ADGRL2: variants seen among roughly 807,000 people sequenced by gnomAD.
ADGRL2 encodes the protein adhesion G protein-coupled receptor L2.
In ADGRL2, 44 loss-of-function variants were observed where a neutral mutation model predicts 157.4. The observed-to-expected ratio is 0.28, with a 90% confidence interval of 0.22 to 0.36. The LOEUF is 0.36. Ranked by LOEUF, ADGRL2 falls within the 10% of genes least tolerant of loss-of-function variation. The probability of loss-of-function intolerance (pLI) is 1.00; values close to 1 mark genes in which losing one functional copy is unlikely to be tolerated. For synonymous variants in ADGRL2, 585 were observed against 624.7 expected, an observed-to-expected ratio of 0.94 and a Z score of 0.95; for missense variants, 1,510 against 1,768.9, an observed-to-expected ratio of 0.85 and a Z score of 2.63.
intron 1 of ADGRL2, among the ~76,000 whole-genome samples, chr1:81,325,913 C>G (rs1660865987): frequency 6.6e-6 from 1 of 151,426 alleles, no homozygotes; most frequent in South Asian, 2.1e-4. Flanking sequence ...ATTCTAGGCC[C>G]AGAGACCCAG....
chr1:81,559,938 A>G (rs1260771080), intron 2 of ADGRL2, among the ~76,000 whole-genome samples: 1 of 152,202 alleles, frequency 6.6e-6, no homozygotes, highest in Non-Finnish European at 1.5e-5. Flanking sequence ...AAAATTGTGT[A>G]TTTATTATGA....
intron 1 of ADGRL2, among the ~76,000 whole-genome samples, chr1:81,833,027 GA>G (rs1466052211): frequency 6.6e-6 from 1 of 152,134 alleles, no homozygotes; most frequent in East Asian, 1.9e-4. Flanking sequence ...TGAAAAGGCA[GA>G]ATTGGGTTAG....
intron 2 of ADGRL2, chr1:81,557,429 G>GAA (rs1390338156): frequency 7.4e-6 from 1 of 134,668 alleles, no homozygotes; most frequent in Non-Finnish European, 1.6e-5. Flanking sequence ...AAGAGAGAGA[G>GAA]AAAAAGAAAG....
At chr1:81,710,507 C>G (rs1162044273) in intron 1 of ADGRL2, among the ~76,000 whole-genome samples, 1 of 150,970 alleles carries the variant, frequency 6.6e-6, no homozygotes, top group Non-Finnish European at 1.5e-5. Context: ...GTAGTCCCAG[C>G]TACTCGGGAG....
intron 3 of ADGRL2, among the ~76,000 whole-genome samples, chr1:81,607,226 A>G (rs1433904977): frequency 6.6e-6 from 1 of 152,218 alleles, no homozygotes; most frequent in Non-Finnish European, 1.5e-5. Flanking sequence ...AACATTGGGT[A>G]TCAAACACAC....
chr1:81,920,532 C>T (rs1048094313), intron 3 of ADGRL2, among the ~76,000 whole-genome samples: 2 of 152,104 alleles, frequency 1.3e-5, no homozygotes, highest in African/African-American at 4.8e-5. Context: ...GAGGCAGCCC[C>T]CAGTGAATCC....
At chr1:81,735,671 T>G (rs2084872099) in intron 1 of ADGRL2, among the ~76,000 whole-genome samples, 1 of 151,872 alleles carries the variant, frequency 6.6e-6, no homozygotes, top group Non-Finnish European at 1.5e-5. Flanking sequence ...ATGCCTGTAA[T>G]CCCAGCTACC....
chr1:81,549,772 A>G (rs1050541643), intron 2 of ADGRL2, among the ~76,000 whole-genome samples: 4 of 152,158 alleles, frequency 2.6e-5, no homozygotes, highest in African/African-American at 7.2e-5. Context: ...ACTAATGGGC[A>G]TGAGAGGTAC....
chr1:81,748,439 A>G (rs2085376723), intron 1 of ADGRL2, among the ~76,000 whole-genome samples: 1 of 141,858 alleles, frequency 7.0e-6, no homozygotes. Context: ...ACCGCACTCC[A>G]GCCTGGCAAT....
At chr1:81,660,807 G>A (rs2082634581) in intron 3 of ADGRL2, among the ~76,000 whole-genome samples, 1 of 152,136 alleles carries the variant, frequency 6.6e-6, no homozygotes. Flanking sequence ...TCAAAAATAT[G>A]TTTTGAGTAC....
At chr1:81,483,300 T>C (rs1474333071) in intron 2 of ADGRL2, among the ~76,000 whole-genome samples, 2 of 152,166 alleles carry the variant, frequency 1.3e-5, no homozygotes, top group African/African-American at 2.4e-5. Context: ...ACGGCTGTTA[T>C]AGCCTAAGAA....
At chr1:81,427,375 C>T (rs2077237547) in intron 1 of ADGRL2, 1 of 735,556 alleles carries the variant, frequency 1.4e-6, no homozygotes, top group African/African-American at 1.7e-5. Flanking sequence ...GATATGGAAA[C>T]CAAGGTGGTA....
At chr1:81,473,701 A>G (rs1041975701) in intron 2 of ADGRL2, among the ~76,000 whole-genome samples, 2 of 152,208 alleles carry the variant, frequency 1.3e-5, no homozygotes, top group Non-Finnish European at 2.9e-5. Flanking sequence ...TGGAGAGTCA[A>G]GAATGCTTTG....
At chr1:81,501,332 T>G (rs2148013932) in intron 2 of ADGRL2, among the ~76,000 whole-genome samples, 1 of 152,320 alleles carries the variant, frequency 6.6e-6, no homozygotes, top group Middle Eastern at 3.4e-3. Flanking sequence ...CAACAACTGA[T>G]CGGTGTACTA....
intron 3 of ADGRL2, among the ~76,000 whole-genome samples, chr1:81,589,559 T>C (rs1387288570): frequency 1.3e-5 from 2 of 152,194 alleles, no homozygotes; most frequent in African/African-American, 4.8e-5. Context: ...CTTTGTTCAG[T>C]TGGCAGTACT....
chr1:81,457,596 T>C (rs1220478427), intron 2 of ADGRL2, among the ~76,000 whole-genome samples: 1 of 152,140 alleles, frequency 6.6e-6, no homozygotes, highest in African/African-American at 2.4e-5. Flanking sequence ...GCAAAAAAAC[T>C]TTTTTTCTTT....
chr1:81,632,946 A>G (rs1292020402), intron 3 of ADGRL2, among the ~76,000 whole-genome samples: 1 of 152,168 alleles, frequency 6.6e-6, no homozygotes, highest in Non-Finnish European at 1.5e-5. Flanking sequence ...TGGCTATAAT[A>G]GATTTTTTTA....
At chr1:81,819,746 T>C (rs181506609) in intron 1 of ADGRL2, among the ~76,000 whole-genome samples, 2 of 152,284 alleles carry the variant, frequency 1.3e-5, no homozygotes, top group African/African-American at 4.8e-5. Context: ...AGAATACTTT[T>C]GTCATTATTA....
chr1:81,512,254 T>G (rs2079093309), intron 2 of ADGRL2, among the ~76,000 whole-genome samples: 1 of 148,652 alleles, frequency 6.7e-6, no homozygotes, highest in South Asian at 2.1e-4. Context: ...TTCTTTTTCT[T>G]TCTTTCTTAC....
Sources: allele counts gnomAD v4.1 joint callset (sites outside exome capture counted in the v4.1 genomes callset), GRCh38; gene constraint gnomAD v4.1.1; transcripts MANE v1.5; gene names NCBI Gene and HGNC (gene_info 2026-07-23, HGNC 2026-07-21).